Variants in RNGTT observed in about 807,000 individuals in gnomAD.
RNGTT encodes mRNA-capping enzyme.
Under a neutral mutation model 79.3 loss-of-function variants are expected in RNGTT, and 33 were observed. The ratio of observed to expected loss-of-function variants is 0.42; its 90% CI spans 0.32 to 0.56. The LOEUF (loss-of-function observed/expected upper bound fraction) is 0.56, where lower values mean the gene tolerates loss of function less well. RNGTT is among the 20% of genes least tolerant of loss of function. The probability of loss-of-function intolerance (pLI) is 0.17; values close to 1 mark genes in which losing one functional copy is unlikely to be tolerated. For missense variants in RNGTT, 497 were observed against 739.1 expected (o/e 0.67, Z 3.80); for synonymous variants, 222 against 235.9 (o/e 0.94, Z 0.54).
chr6:88,614,607 G>A (rs1304748658), intron 14 of RNGTT, among the ~76,000 whole-genome samples: 1 of 152,146 alleles, frequency 6.6e-6, no homozygotes, highest in Non-Finnish European at 1.5e-5. Flanking sequence ...ATAAATAATT[G>A]TGAAAATGGC....
Position 88,612,584 on chromosome 6 carries a change from C to T in RNGTT, c.*135G>A, listed in dbSNP as rs1582232499. On this transcript the variant is annotated 3_prime_UTR_variant, in exon 16 of 16. Transcript: ENST00000369485. ...TTTACAGGCTGGCTACGATAACTTT[C>T]TTTTTTTAAAAAAAATTCAAATGTG... 4 of 998,712 alleles carry T rather than the reference C, an allele frequency of 4.0e-6. No homozygotes were observed. The highest frequency in any genetic ancestry group is 1.5e-6 in the Non-Finnish European group (1 of 666,894). The allele number at this position is 998,712 out of a possible 1,614,324, so 61.9% of individuals were successfully genotyped here. A position where few individuals can be genotyped will look rare whatever the true frequency, so the allele number is the denominator to read the frequency against.
At chr6:88,892,637 A>C (rs1047511601) in intron 6 of RNGTT, among the ~76,000 whole-genome samples, 2 of 152,072 alleles carry the variant, frequency 1.3e-5, no homozygotes, top group Non-Finnish European at 2.9e-5. Flanking sequence ...CCCTTCTGGA[A>C]ATTTTTAAAC....
At position 88,612,225 on chromosome 6, in the gene RNGTT, G is replaced by A. The variant is rs1240892157; in HGVS notation, c.*494C>T. 1 of 153,006 alleles carries A rather than the reference G, an allele frequency of 6.5e-6. No homozygotes were observed. The highest frequency in any genetic ancestry group is 2.4e-5 in the African/African-American group (1 of 41,430). The allele number at this position is 153,006 out of a possible 1,614,324, so 9.5% of individuals were successfully genotyped here. A position where few individuals can be genotyped will look rare whatever the true frequency, so the allele number is the denominator to read the frequency against. On this transcript the variant is annotated 3_prime_UTR_variant, in exon 16 of 16. Transcript: ENST00000369485. ...CCTGTCATTTGTTTTTGAATACAGG[G>A]ATCTCAGAAATGTAGGAAATCCATG... is the stretch of plus-strand genomic sequence containing the variant.
intron 12 of RNGTT, among the ~76,000 whole-genome samples, chr6:88,777,957 A>G (rs1230738203): frequency 1.3e-5 from 2 of 152,186 alleles, no homozygotes; most frequent in Admixed American, 6.5e-5. Flanking sequence ...TGTGTTGAGA[A>G]AATTTTCTTC....
intron 11 of RNGTT, among the ~76,000 whole-genome samples, chr6:88,826,802 AT>A (rs1562272422): frequency 6.8e-5 from 7 of 102,414 alleles, no homozygotes; most frequent in South Asian, 6.9e-4. Flanking sequence ...AAAAAAAAAT[AT>A]ATATATATAT....
At chr6:88,863,053 T>C (rs889969889) in intron 8 of RNGTT, among the ~76,000 whole-genome samples, 5 of 152,122 alleles carry the variant, frequency 3.3e-5, no homozygotes, top group Non-Finnish European at 7.3e-5. Context: ...TTAAATTCAC[T>C]TTAAGCCCAC....
At chr6:88,720,523 G>A (rs1189342421) in intron 13 of RNGTT, among the ~76,000 whole-genome samples, 4 of 151,794 alleles carry the variant, frequency 2.6e-5, no homozygotes, top group African/African-American at 4.8e-5. Flanking sequence ...TAGAAAGAAC[G>A]ACAAAAAACT....
rs80219662 is a variant in RNGTT, at chr6:88,630,417, A to G, written c.1507-16022T>C. Among the ~76,000 whole-genome samples the G allele has an allele frequency of 4.5e-3, 685 of 152,216 alleles. 2 individuals carry two copies. Among genetic ancestry groups the G allele is most frequent in the African/African-American group, 0.016 (650 of 41,540 alleles). On this transcript the variant is annotated intron_variant, in intron 14 of 15. Coordinates refer to ENST00000369485, the MANE Select transcript of RNGTT (RefSeq NM_003800.5). ...GGACCACAGTCCTTCAAATCCTACC[A>G]TCTAATTGGTGCTAAATTTGCATAT...
rs112297065 is a variant in RNGTT at position 88,687,103 on chromosome 6, T to C, written c.1440-8684A>G. On this transcript the variant is annotated intron_variant, in intron 13 of 15. Transcript: ENST00000369485. Reference sequence around the variant, plus strand: ...ACTAACTTTAATATATAAAGAACTCTTAAACATTGAGAAGAAATGGGAAAA... The same window carrying C: ...ACTAACTTTAATATATAAAGAACTCCTAAACATTGAGAAGAAATGGGAAAA... Among the ~76,000 whole-genome samples, 1,258 of 152,122 alleles carry C rather than the reference T, an allele frequency of 8.3e-3. 19 individuals are homozygous for C. The highest frequency in any genetic ancestry group is 0.029 in the African/African-American group (1,185 of 41,512).
At chr6:88,756,343 CGCGCCTGTAA>C (rs1778016095) in intron 13 of RNGTT, among the ~76,000 whole-genome samples, 1 of 151,754 alleles carries the variant, frequency 6.6e-6, no homozygotes, top group Admixed American at 6.6e-5. Context: ...CGTGACGGTG[CGCGCCTGTAA>C]TCCCAGCTAC....
At chr6:88,813,135 G>A (rs534999230) in intron 11 of RNGTT, among the ~76,000 whole-genome samples, 15 of 152,194 alleles carry the variant, frequency 9.9e-5, no homozygotes, top group Middle Eastern at 3.4e-3. Context: ...TTGCTGAAAC[G>A]CTGAAACTCC....
chr6:88,846,977 C>A (rs1431154806), intron 10 of RNGTT, among the ~76,000 whole-genome samples: 1 of 151,918 alleles, frequency 6.6e-6, no homozygotes, highest in East Asian at 1.9e-4. Context: ...ATAATTATTT[C>A]TTTACATTTA....
chr6:88,897,000 C>A (rs997764063), intron 6 of RNGTT, among the ~76,000 whole-genome samples: 3 of 152,192 alleles, frequency 2.0e-5, no homozygotes, highest in African/African-American at 7.2e-5. Flanking sequence ...TGATTCAATA[C>A]AACTCACATT....
intron 4 of RNGTT, among the ~76,000 whole-genome samples, chr6:88,913,141 G>A (rs995122013): frequency 2.0e-5 from 3 of 149,590 alleles, no homozygotes; most frequent in African/African-American, 7.5e-5. Flanking sequence ...GGAGGCAGAG[G>A]TTGCAGTGGG....
chr6:88,812,478 T>C (rs1174706168), intron 11 of RNGTT, among the ~76,000 whole-genome samples: 1 of 152,236 alleles, frequency 6.6e-6, no homozygotes, highest in African/African-American at 2.4e-5. Context: ...TAGGCATCAT[T>C]CACTCATTCA....
At chr6:88,911,793 T>G (rs1205049945) in intron 4 of RNGTT, among the ~76,000 whole-genome samples, 1 of 152,016 alleles carries the variant, frequency 6.6e-6, no homozygotes, top group African/African-American at 2.4e-5. Flanking sequence ...CCTACCTACA[T>G]CAAGAAGATA....
At chr6:88,627,065 T>G (rs1411867280) in intron 14 of RNGTT, among the ~76,000 whole-genome samples, 1 of 152,020 alleles carries the variant, frequency 6.6e-6, no homozygotes, top group Non-Finnish European at 1.5e-5. Context: ...GGCTAAAAAA[T>G]GCAATATGCA....
At chr6:88,769,048 GATC>G (rs1778559429) in intron 13 of RNGTT, among the ~76,000 whole-genome samples, 2 of 152,078 alleles carry the variant, frequency 1.3e-5, no homozygotes, top group South Asian at 2.1e-4. Flanking sequence ...TAATACCAAT[GATC>G]ATATCTTATA....
rs531100194 is a variant in RNGTT, at chr6:88,642,300, T to C, written c.1507-27905A>G. 2.6e-5 allele frequency among the ~76,000 whole-genome samples: 4 copies of C among 152,334 alleles called. No individual in the cohort carries two copies. In the South Asian group the frequency reaches 8.3e-4, roughly 32 times the overall value. Reference sequence around the variant, plus strand: ...AACAAATCCTGAGGCCACTGCCTTATTAAAGCACACAGCAAGAGCCTAATA... The same window carrying C: ...AACAAATCCTGAGGCCACTGCCTTACTAAAGCACACAGCAAGAGCCTAATA... On this transcript the variant is annotated intron_variant, in intron 14 of 15. Transcript: ENST00000369485.
Sources: gnomAD v4.1 joint callset for allele counts (sites outside exome capture counted in the v4.1 genomes callset) on GRCh38, gnomAD v4.1.1 for gene constraint, MANE v1.5 for transcripts, NCBI Gene and HGNC (gene_info 2026-07-23, HGNC 2026-07-21) for gene names.